WASHC3: variants seen among roughly 807,000 people sequenced by gnomAD.
WASHC3 encodes WASH complex subunit 3, also known as WASH complex subunit CCDC53.
A neutral mutation model predicts 26.1 loss-of-function variants in WASHC3; 24 were observed. The ratio of observed to expected loss-of-function variants is 0.92; its 90% CI spans 0.66 to 1.29. The LOEUF (loss-of-function observed/expected upper bound fraction) is 1.29, where lower values mean the gene tolerates loss of function less well. Among genes scored for constraint, WASHC3 ranks in the 50% most tolerant of loss-of-function variants. The pLI, the probability that WASHC3 is intolerant of heterozygous loss-of-function variation, is 0.00. For missense variants in WASHC3, 214 were observed against 229.6 expected, an observed-to-expected ratio of 0.93 and a Z score of 0.44; for synonymous variants, 77 against 75.7, an observed-to-expected ratio of 1.02 and a Z score of -0.09.
intron 6 of WASHC3, chr12:102,019,185 G>C (rs1464600387): frequency 4.9e-5 from 8 of 162,512 alleles, no homozygotes; most frequent in Middle Eastern, 1.4e-3. Context: ...AAAAAGAAAA[G>C]CAAGCCACAA....
intron 5 of WASHC3, among the ~76,000 whole-genome samples, chr12:102,029,599 T>C (rs1019189043): frequency 6.6e-6 from 1 of 152,216 alleles, no homozygotes; most frequent in Non-Finnish European, 1.5e-5. Context: ...TGTTGAAATT[T>C]TCCTAAAGTT....
chr12:102,039,797 C>A, intron 5 of WASHC3, 71 bp downstream of exon 5: 5 of 594,844 alleles, frequency 8.4e-6, no homozygotes, highest in South Asian at 2.6e-5. Context: ...AAAAAAATAA[C>A]AGTAAAACCT....
At chr12:102,057,579 T>C (rs369057097) in intron 2 of WASHC3, among the ~76,000 whole-genome samples, 139 of 151,932 alleles carry the variant, frequency 9.1e-4, no homozygotes, top group African/African-American at 3.2e-3. Flanking sequence ...AGCTGCAGGA[T>C]ATAAAATCAA....
rs778305506 is a variant in WASHC3, at chr12:102,035,827, A to AAAC, written c.435+4038_435+4040dup. On this transcript the variant is annotated intron_variant, in intron 5 of 6. Coordinates refer to ENST00000240079, the MANE Select transcript of WASHC3 (RefSeq NM_016053.4). Reference sequence around the variant, plus strand: ...ATCATAAAACAGAGTATTAAGTGACAAACTCCAGGAAGAATACCGGTAAAG... The same window carrying AAAC: ...ATCATAAAACAGAGTATTAAGTGACAAACAACTCCAGGAAGAATACCGGTAAAG... Among the ~76,000 whole-genome samples, 4 of 152,220 alleles carry AAAC rather than the reference A, an allele frequency of 2.6e-5. 1 individual carries two copies. The highest frequency in any genetic ancestry group is 4.4e-5 in the Non-Finnish European group (3 of 68,022).
At chr12:102,050,032 A>G (rs1358550220) in intron 2 of WASHC3, among the ~76,000 whole-genome samples, 1 of 152,204 alleles carries the variant, frequency 6.6e-6, no homozygotes, top group African/African-American at 2.4e-5. Flanking sequence ...TAGGCATGTA[A>G]TAAGTCTGAG....
intron 6 of WASHC3, among the ~76,000 whole-genome samples, chr12:102,025,254 C>T (rs1877125588): frequency 6.6e-6 from 1 of 152,044 alleles, no homozygotes; most frequent in South Asian, 2.1e-4. Context: ...TACCTAGATA[C>T]TTGCAAAACA....
intron 2 of WASHC3, chr12:102,050,363 A>C: frequency 2.3e-6 from 1 of 433,984 alleles, no homozygotes; most frequent in Non-Finnish European, 4.6e-6. Context: ...TCACGCCTAT[A>C]ATTCCAGCAC....
At chr12:102,060,898 T>C (rs1400631646) in intron 2 of WASHC3, among the ~76,000 whole-genome samples, 1 of 133,328 alleles carries the variant, frequency 7.5e-6, no homozygotes, top group Non-Finnish European at 1.5e-5. Context: ...GAGGTTGCAG[T>C]GAGCCGAGAT....
At position 102,044,169 on chromosome 12, in the gene WASHC3, G is replaced by C. The variant is rs1341812526; in HGVS notation, c.260C>G (p.Ser87Cys). The C allele has an allele frequency of 4.3e-6, 7 of 1,610,352 alleles. No individual in the cohort carries two copies. Among genetic ancestry groups the C allele is most frequent in the Non-Finnish European group, 5.9e-6 (7 of 1,177,964 alleles). Residue 87 changes from serine to cysteine, a missense_variant, in exon 4 of 7, where the codon TCT becomes TGT. By Grantham distance (112) the Ser-to-Cys change is moderately radical (BLOSUM62 -1). Coordinates refer to ENST00000240079, the MANE Select transcript of WASHC3 (RefSeq NM_016053.4). ...PGLDDVTVEVSPLNVTSVTNG... is the reference protein window; with the variant it reads ...PGLDDVTVEVCPLNVTSVTNG... Reference sequence around the variant, plus strand: ...TGTGACACTGGTGACATTTAAAGGAGATACTTCAACTGTGACATCATCTAG... The same window carrying C: ...TGTGACACTGGTGACATTTAAAGGACATACTTCAACTGTGACATCATCTAG...
chr12:102,061,353 T>A lies in WASHC3; in HGVS notation c.52-7A>T. On this transcript the variant is annotated splice_region_variant and splice_polypyrimidine_tract_variant and intron_variant, in intron 1 of 6. Transcript: ENST00000240079. ...TCTGTTGAATAGCTGGCACCTGTGT[T>A]ACGTAAAAACAAACATGGTTCATAC... 1 of 1,599,746 alleles carries A rather than the reference T, an allele frequency of 6.3e-7. No homozygotes were observed. The highest frequency in any genetic ancestry group is 8.6e-7 in the Non-Finnish European group (1 of 1,167,092).
intron 6 of WASHC3, among the ~76,000 whole-genome samples, chr12:102,013,896 G>T (rs907880133): frequency 6.6e-6 from 1 of 152,100 alleles, no homozygotes; most frequent in Non-Finnish European, 1.5e-5. Flanking sequence ...TTTTAATGAT[G>T]TTATTAAAAC....
In WASHC3 at chr12:102,034,437, A is replaced by C. The variant is rs531044642; in HGVS notation, c.435+5431T>G. Among the ~76,000 whole-genome samples, 4 of 152,256 alleles carry C rather than the reference A, an allele frequency of 2.6e-5. No individual in the cohort carries two copies. In the East Asian group the frequency reaches 7.7e-4, roughly 29 times the overall value. ...TACTGTTATCTGCTCTTCCAGTTAA[A>C]AGTTATAATTTGGTAATGGAATGGA... On this transcript the variant is annotated intron_variant, in intron 5 of 6. Coordinates refer to ENST00000240079, the MANE Select transcript of WASHC3 (RefSeq NM_016053.4).
chr12:102,025,393 A>G (rs1005372537), intron 6 of WASHC3, among the ~76,000 whole-genome samples: 1 of 152,166 alleles, frequency 6.6e-6, no homozygotes, highest in African/African-American at 2.4e-5. Context: ...TCTCAAAAAT[A>G]TTTTATAAAA....
intron 6 of WASHC3, among the ~76,000 whole-genome samples, chr12:102,022,085 A>G (rs747880619): frequency 3.3e-4 from 50 of 152,218 alleles, no homozygotes; most frequent in Non-Finnish European, 5.4e-4. Flanking sequence ...AGCCAAATCA[A>G]TAAGCTGCAC....
intron 5 of WASHC3, among the ~76,000 whole-genome samples, chr12:102,036,026 G>A (rs142008714): frequency 1.3e-3 from 192 of 152,276 alleles, no homozygotes; most frequent in African/African-American, 4.5e-3. Flanking sequence ...AAAGCATGGA[G>A]CTTATATAGG....
chr12:102,014,255 T>C (rs1383576875), intron 6 of WASHC3, among the ~76,000 whole-genome samples: 10 of 151,860 alleles, frequency 6.6e-5, no homozygotes, highest in Non-Finnish European at 1.5e-5. Context: ...GTATTTTCAG[T>C]AGAGACGGGA....
At chr12:102,029,099 TTCCC>T (rs1368610607) in intron 5 of WASHC3, among the ~76,000 whole-genome samples, 2 of 152,218 alleles carry the variant, frequency 1.3e-5, no homozygotes, top group African/African-American at 4.8e-5. Flanking sequence ...AAAGAATGCA[TTCCC>T]AAGGGATTTG....
Position 102,020,848 on chromosome 12 carries a change from G to A in WASHC3, c.500+5126C>T, listed in dbSNP as rs60659220. Among the ~76,000 whole-genome samples, 1,095 of 152,286 alleles carry A rather than the reference G, an allele frequency of 7.2e-3. 10 individuals are homozygous for A. The highest frequency in any genetic ancestry group is 0.025 in the African/African-American group (1,043 of 41,532). The stretch of plus-strand genomic sequence containing the variant: ...TGTAATCCCAGCACTTTGGGAGGCC[G>A]AGGTGGGTGGATCACCTGAGGTGAG... On this transcript the variant is annotated intron_variant, in intron 6 of 6. Transcript: ENST00000240079.
chr12:102,053,359 C>G (rs556924340), intron 2 of WASHC3, among the ~76,000 whole-genome samples: 20 of 152,194 alleles, frequency 1.3e-4, no homozygotes, highest in African/African-American at 4.8e-4. Flanking sequence ...CCCTACGAAC[C>G]TAGGCACCAG....
Sources: gnomAD v4.1 joint callset for allele counts (sites outside exome capture counted in the v4.1 genomes callset) on GRCh38, gnomAD v4.1.1 for gene constraint, MANE v1.5 for transcripts, NCBI Gene and HGNC (gene_info 2026-07-23, HGNC 2026-07-21) for gene names.